Variants in NFATC1 observed in about 807,000 individuals in gnomAD.
NFATC1 encodes the protein nuclear factor of activated T cells 1, also known as nuclear factor of activated T-cells, cytoplasmic 1.
NFATC1 carries 22 observed loss-of-function variants against 76.0 expected under a neutral mutation model. The observed-to-expected ratio is 0.29, with a 90% CI of 0.21 to 0.41. The LOEUF (loss-of-function observed/expected upper bound fraction) is 0.41. Among genes scored for constraint, NFATC1 ranks in the 10% least tolerant of loss-of-function variants. The pLI is 1.00. For missense variants in NFATC1, 1,357 were observed against 1,337.7 expected, an observed-to-expected ratio of 1.01 and a Z score of -0.23; for synonymous variants, 704 against 613.1, an observed-to-expected ratio of 1.15 and a Z score of -2.19.
At chr18:79,397,178 T>C (rs2085035967) in intron 1 of NFATC1, among the ~76,000 whole-genome samples, 1 of 152,232 alleles carries the variant, frequency 6.6e-6, no homozygotes, top group Admixed American at 6.5e-5. Context: ...GGTGGGCTCC[T>C]GCAAGTGGCT....
rs757138346 is a variant in NFATC1 at position 79,396,324 on chromosome 18, G to C, written c.100G>C (p.Gly34Arg). The stretch of plus-strand genomic sequence containing the variant: ...AACTTTGGGGCCCGCGCCGCGCGCC[G>C]GCGGCACCATGAAGTCAGCGGAGGA... The part of the protein sequence containing the change: ...GETLGPAPRA[G>R]GTMKSAEEEH... Residue 34 changes from glycine (G) to arginine (R), a missense_variant, in exon 1 of 10, where the codon GGC becomes CGC. Physicochemically the swap from Gly to Arg is moderately radical, Grantham distance 125 (BLOSUM62 -2). This residue lies in a region of NFATC1 where 691 missense variants were observed against 613.1 expected (regional missense o/e 1.13). Transcript: ENST00000427363. 1 of 1,411,462 alleles carries C rather than the reference G, an allele frequency of 7.1e-7. No homozygotes were observed. The highest frequency in any genetic ancestry group is 9.4e-7 in the Non-Finnish European group (1 of 1,067,352). The allele number at this position is 1,411,462 out of a possible 1,614,324, so 87.4% of individuals were successfully genotyped here.
chr18:79,476,774 G>T (rs1327848887), intron 8 of NFATC1, among the ~76,000 whole-genome samples: 1 of 152,226 alleles, frequency 6.6e-6, no homozygotes, highest in African/African-American at 2.4e-5. Context: ...CATGGCCAGG[G>T]TTAGCCACGG....
chr18:79,456,170 A>T (rs1211817385), intron 6 of NFATC1, among the ~76,000 whole-genome samples: 2 of 152,168 alleles, frequency 1.3e-5, no homozygotes, highest in African/African-American at 4.8e-5. Flanking sequence ...AGGACACGGA[A>T]CTGTCACGGA....
Position 79,527,567 on chromosome 18 carries a change from C to T in NFATC1, c.2822C>T (p.Thr941Ile). The T allele has an allele frequency of 6.2e-7, 1 of 1,614,024 alleles. No individual in the cohort carries two copies. Among genetic ancestry groups the T allele is most frequent in the Non-Finnish European group, 8.5e-7 (1 of 1,179,932 alleles). Residue 941 changes from threonine (T) to isoleucine (I), a missense_variant, in exon 10 of 10, where the codon ACC becomes ATC. Around this residue, in one of 3 missense-constraint regions of NFATC1, gnomAD observed 424 missense variants for 395.4 expected, o/e 1.07. Coordinates refer to ENST00000427363, the MANE Select transcript of NFATC1 (RefSeq NM_001278669.2). The part of the protein sequence containing the change: ...IIRNDLSSTS[T>I]HS ...CGAAATGACCTCTCCAGCACGAGCA[C>T]CCACTCCTAGTTGCCACATTGGAGC...
chr18:79,413,740 C>T (rs578123622), intron 2 of NFATC1, among the ~76,000 whole-genome samples: 91 of 152,316 alleles, frequency 6.0e-4, no homozygotes, highest in African/African-American at 1.2e-3. Context: ...GTCTCCTGGG[C>T]GGCAAGGTGT....
At chr18:79,441,548 C>G (rs1434790206) in intron 3 of NFATC1, among the ~76,000 whole-genome samples, 1 of 152,170 alleles carries the variant, frequency 6.6e-6, no homozygotes, top group Non-Finnish European at 1.5e-5. Flanking sequence ...TGAGATCAGC[C>G]AGGGCATCCC....
chr18:79,508,269 T>C (rs1569040926), intron 9 of NFATC1, among the ~76,000 whole-genome samples: 1 of 151,640 alleles, frequency 6.6e-6, no homozygotes, highest in Admixed American at 6.6e-5. Flanking sequence ...GGAGGAAGCC[T>C]GGTCACCTGG....
At chr18:79,437,623 C>T (rs967851361) in intron 3 of NFATC1, among the ~76,000 whole-genome samples, 1 of 152,226 alleles carries the variant, frequency 6.6e-6, no homozygotes, top group East Asian at 1.9e-4. Context: ...TCAGCTTTCC[C>T]CCAAATCCCA....
At chr18:79,456,703 G>A (rs1022091596) in intron 6 of NFATC1, among the ~76,000 whole-genome samples, 18 of 152,220 alleles carry the variant, frequency 1.2e-4, no homozygotes, top group East Asian at 5.8e-4. Flanking sequence ...GGAGCGGGCC[G>A]AGGAGGAAGG....
chr18:79,493,446 C>G (rs776722804), intron 9 of NFATC1: 2 of 152,240 alleles, frequency 1.3e-5, no homozygotes, highest in Non-Finnish European at 2.9e-5. Context: ...GGGCGCCTCC[C>G]CGTGTCCCCT....
At chr18:79,451,935 T>C in intron 6 of NFATC1, 119 bp downstream of exon 6, 1 of 1,298,452 alleles carries the variant, frequency 7.7e-7, no homozygotes, top group Non-Finnish European at 1.0e-6. Context: ...TTATGGGGTG[T>C]GGCACGGAGC....
At chr18:79,506,713 C>T (rs2090128049) in intron 9 of NFATC1, among the ~76,000 whole-genome samples, 1 of 152,120 alleles carries the variant, frequency 6.6e-6, no homozygotes, top group South Asian at 2.1e-4. Flanking sequence ...TTCCCAGTTA[C>T]TTATTGTGTT....
rs561298064 is a variant in NFATC1 at position 79,465,815 on chromosome 18, C to T, written c.1960-1635C>T. Reference sequence around the variant, plus strand: ...CCCGTACAAATGCCGAGACAGGCTCCGGGTGGCCAGAGCTTCCCGGGTCAG... The same window carrying T: ...CCCGTACAAATGCCGAGACAGGCTCTGGGTGGCCAGAGCTTCCCGGGTCAG... On this transcript the variant is annotated intron_variant, in intron 7 of 9. Transcript: ENST00000427363. The surrounding 1 kb of genome is among the most constrained non-coding windows in gnomAD (Gnocchi z 4.2). Among the ~76,000 whole-genome samples the T allele has an allele frequency of 4.6e-5, 7 of 152,348 alleles. No homozygotes were observed. The highest frequency in any genetic ancestry group is 7.2e-5 in the African/African-American group (3 of 41,596).
chr18:79,434,744 A>G (rs2086712782), intron 3 of NFATC1, among the ~76,000 whole-genome samples: 1 of 152,242 alleles, frequency 6.6e-6, no homozygotes, highest in Non-Finnish European at 1.5e-5. Context: ...TTAGATAAAT[A>G]GTGGAGAGAA....
rs557627523 is a variant in NFATC1, at chr18:79,526,227, C to CGTT, written c.2783-1300_2783-1298dup. 6.4e-4 allele frequency among the ~76,000 whole-genome samples: 98 copies of CGTT among 152,348 alleles called. 1 individual carries two copies. Among genetic ancestry groups the CGTT allele is most frequent in the African/African-American group, 2.3e-3 (96 of 41,586 alleles). On this transcript the variant is annotated intron_variant, in intron 9 of 9. Coordinates refer to ENST00000427363, the MANE Select transcript of NFATC1 (RefSeq NM_001278669.2). ...CAGCCTGCGAGCACCTGGGCCCTGT[C>CGTT]GTTATCCTCCTTAGTGTTTGTGAAG... is the stretch of plus-strand genomic sequence containing the variant.
In NFATC1 at chr18:79,410,579, C is replaced by G. The variant is rs1325928172; in HGVS notation, c.304C>G (p.Leu102Val). The change falls in exon 2 of 10, where the codon CTC becomes GTC. Residue 102 changes from leucine (L) to valine (V), a missense_variant. Leu to Val is a conservative substitution (Grantham distance 32, BLOSUM62 1). This residue lies in a region of NFATC1 where 691 missense variants were observed against 613.1 expected (regional missense o/e 1.13). Transcript: ENST00000427363. The surrounding 1 kb of genome is among the most constrained non-coding windows in gnomAD (Gnocchi z 6.7). ...GGACGGTGGGCCCGCGGGCTACTTC[C>G]TCTCCTCCGGCCACACCAGGCCTGA... ...ALDGGPAGYF[L>V]SSGHTRPDGA... 6.2e-7 allele frequency: 1 copy of G among 1,612,170 alleles called. No individual in the cohort carries two copies. Among genetic ancestry groups the G allele is most frequent in the Non-Finnish European group, 8.5e-7 (1 of 1,180,000 alleles).
Position 79,527,612 on chromosome 18 carries a change from T to C in NFATC1, c.*35T>C. ...TGGAGCACTCAGTTCAGCAGGGGTA[T>C]GCTGACTTCAGCAGACAAAGACTTT... On this transcript the variant is annotated 3_prime_UTR_variant, in exon 10 of 10. Coordinates refer to ENST00000427363, the MANE Select transcript of NFATC1 (RefSeq NM_001278669.2). The C allele has an allele frequency of 1.3e-6, 2 of 1,599,788 alleles. No individual in the cohort carries two copies. Among genetic ancestry groups the C allele is most frequent in the Non-Finnish European group, 1.7e-6 (2 of 1,167,298 alleles).
At chr18:79,400,457 G>A in intron 1 of NFATC1, 11 of 1,489,254 alleles carry the variant, frequency 7.4e-6, no homozygotes, top group Non-Finnish European at 9.8e-6. Context: ...AGCGCGACGA[G>A]GGCGCCGCCG....
At chr18:79,422,748 C>T (rs910853730) in intron 2 of NFATC1, 7 of 152,252 alleles carry the variant, frequency 4.6e-5, no homozygotes, top group African/African-American at 1.7e-4. Context: ...GCACCCTCTC[C>T]CACCCTTGAG....
Sources: gnomAD v4.1 joint callset for allele counts (sites outside exome capture counted in the v4.1 genomes callset) on GRCh38, gnomAD v4.1.1 for gene constraint, gnomAD v4.1.1 regional missense constraint, Gnocchi (gnomAD v3.1) non-coding constraint, MANE v1.5 for transcripts, NCBI Gene and HGNC (gene_info 2026-07-23, HGNC 2026-07-21) for gene names.